FZD3: variants seen among roughly 807,000 people sequenced by gnomAD.
FZD3 encodes frizzled class receptor 3.
A neutral mutation model predicts 60.7 loss-of-function variants in FZD3; 30 were observed. The ratio of observed to expected loss-of-function variants is 0.49; its 90% CI spans 0.37 to 0.67. The LOEUF is 0.67. Ranked by LOEUF, FZD3 falls within the 30% of genes least tolerant of loss-of-function variation. The pLI is 0.00. For missense variants in FZD3, 605 were observed against 838.7 expected (o/e 0.72, Z 3.44); for synonymous variants, 246 against 275.2 (o/e 0.89, Z 1.05).
intron 7 of FZD3, among the ~76,000 whole-genome samples, chr8:28,562,248 G>GA (rs1805626056): frequency 6.6e-6 from 1 of 152,148 alleles, no homozygotes; most frequent in Non-Finnish European, 1.5e-5. Context: ...GTTGTTAACT[G>GA]GGCTATCTGG....
chr8:28,539,690 G>T (rs931262212), intron 5 of FZD3, among the ~76,000 whole-genome samples: 1 of 151,918 alleles, frequency 6.6e-6, no homozygotes, highest in Non-Finnish European at 1.5e-5. Context: ...TCAATATTTT[G>T]CAATGAATTT....
At chr8:28,529,439 ACTCTT>A (rs1392482358) in intron 5 of FZD3, among the ~76,000 whole-genome samples, 2 of 152,038 alleles carry the variant, frequency 1.3e-5, no homozygotes, top group Non-Finnish European at 2.9e-5. Flanking sequence ...TATACTCTGA[ACTCTT>A]CGCAAGAAGA....
chr8:28,521,134 G>GA (rs1208825041), intron 4 of FZD3, among the ~76,000 whole-genome samples: 1 of 152,036 alleles, frequency 6.6e-6, no homozygotes, highest in African/African-American at 2.4e-5. Context: ...TGCTATTTGT[G>GA]AAAAATTATA....
At chr8:28,502,319 TTTA>T (rs1449932443) in intron 2 of FZD3, among the ~76,000 whole-genome samples, 7 of 152,164 alleles carry the variant, frequency 4.6e-5, no homozygotes, top group Non-Finnish European at 8.8e-5. Context: ...AAGCGTAATA[TTTA>T]TTATTTAAAT....
intron 4 of FZD3, among the ~76,000 whole-genome samples, chr8:28,526,915 C>G (rs748390671): frequency 6.6e-6 from 1 of 152,084 alleles, no homozygotes; most frequent in Non-Finnish European, 1.5e-5. Flanking sequence ...TTCTTTGTCT[C>G]GAGGCTATCA....
intron 3 of FZD3, among the ~76,000 whole-genome samples, chr8:28,514,487 T>C (rs1384721007): frequency 6.6e-6 from 1 of 152,220 alleles, no homozygotes; most frequent in Non-Finnish European, 1.5e-5. Context: ...ACAGTCAAGA[T>C]ACAGAGCATT....
chr8:28,549,081 C>T (rs1364605812), intron 5 of FZD3, among the ~76,000 whole-genome samples: 1 of 152,190 alleles, frequency 6.6e-6, no homozygotes, highest in African/African-American at 2.4e-5. Context: ...GTTTGGTTTC[C>T]TCTCAAGTCT....
intron 3 of FZD3, among the ~76,000 whole-genome samples, chr8:28,519,984 C>T (rs977301899): frequency 2.6e-5 from 4 of 151,872 alleles, no homozygotes; most frequent in African/African-American, 4.8e-5. Flanking sequence ...CTGAGGCAGA[C>T]GGATCACTTG....
chr8:28,501,350 C>T (rs1380873712), intron 2 of FZD3, among the ~76,000 whole-genome samples: 1 of 152,168 alleles, frequency 6.6e-6, no homozygotes, highest in East Asian at 1.9e-4. Context: ...ACATGGAGTT[C>T]CCAGTCATTG....
At chr8:28,546,917 CCGAGATCGTGCCA>C (rs549342375) in intron 5 of FZD3, among the ~76,000 whole-genome samples, 3,418 of 151,958 alleles carry the variant, frequency 0.022, 59 homozygotes, top group Middle Eastern at 0.044. Context: ...TTGCAGTGAG[CCGAGATCGTGCCA>C]CTGCACTCCA....
intron 3 of FZD3, among the ~76,000 whole-genome samples, chr8:28,503,981 C>T (rs750833346): frequency 9.2e-5 from 14 of 152,098 alleles, no homozygotes; most frequent in East Asian, 7.7e-4. Flanking sequence ...TAGCTTTTAC[C>T]GTTAATTCAT....
chr8:28,516,535 G>T (rs980551049), intron 3 of FZD3, among the ~76,000 whole-genome samples: 1 of 151,954 alleles, frequency 6.6e-6, no homozygotes, highest in African/African-American at 2.4e-5. Flanking sequence ...ATGAACACAG[G>T]ATGTCTTTCT....
chr8:28,505,565 T>G (rs1804115949), intron 3 of FZD3, among the ~76,000 whole-genome samples: 1 of 152,134 alleles, frequency 6.6e-6, no homozygotes, highest in Admixed American at 6.5e-5. Context: ...TTGCCCAGGC[T>G]GATCTCGAAC....
At chr8:28,498,984 T>G (rs1349246111) in intron 1 of FZD3, among the ~76,000 whole-genome samples, 1 of 152,248 alleles carries the variant, frequency 6.6e-6, no homozygotes, top group African/African-American at 2.4e-5. Context: ...CATCACTGAT[T>G]TGCTTTTCTT....
chr8:28,515,179 T>C lies in FZD3; in HGVS notation c.190-5459T>C, dbSNP rs376905660. Among the ~76,000 whole-genome samples the C allele has an allele frequency of 1.4e-4, 22 of 152,336 alleles. 1 individual carries two copies. The highest frequency in any genetic ancestry group is 4.8e-4 in the African/African-American group (20 of 41,582). ...AATATGTGTAAGGCATTTTGAACAG[T>C]GCTTGTGTTAGCATTGGAATGTATC... is the stretch of plus-strand genomic sequence containing the variant. On this transcript the variant is annotated intron_variant, in intron 3 of 7. Coordinates refer to ENST00000240093, the MANE Select transcript of FZD3 (RefSeq NM_017412.4).
intron 2 of FZD3, among the ~76,000 whole-genome samples, chr8:28,502,044 C>T (rs1239004379): frequency 6.6e-6 from 1 of 152,102 alleles, no homozygotes; most frequent in Non-Finnish European, 1.5e-5. Flanking sequence ...TTATAAAGTA[C>T]TTTTGCATAC....
At position 28,563,140 on chromosome 8, in the gene FZD3, A is replaced by G; in HGVS notation, c.*129A>G. ...GTCAAGTACAGATTGTGTCCACTGGAAAGGTAAATGATTGCTTTTTTATAT... is the reference window on the plus strand; with the variant it reads ...GTCAAGTACAGATTGTGTCCACTGGGAAGGTAAATGATTGCTTTTTTATAT... On this transcript the variant is annotated 3_prime_UTR_variant, in exon 8 of 8. Transcript: ENST00000240093. The G allele has an allele frequency of 1.5e-6, 1 of 673,302 alleles. No individual in the cohort carries two copies. Among genetic ancestry groups the G allele is most frequent in the South Asian group, 1.8e-5 (1 of 56,450 alleles). 41.7% of individuals were successfully genotyped at this position (673,302 alleles called of 1,614,324 possible).
intron 7 of FZD3, among the ~76,000 whole-genome samples, chr8:28,559,745 G>A (rs1805581349): frequency 6.6e-6 from 1 of 152,170 alleles, no homozygotes; most frequent in South Asian, 2.1e-4. Flanking sequence ...GCCATCTCAT[G>A]GAGATTTCCT....
In FZD3 at chr8:28,565,976, C is replaced by CT. The variant is rs1554541374; in HGVS notation, c.*2972dup. ...TCAAAAAGTACTTTGATTTCAGCAACTTTTTTTATTCAATAACTAGACAAA... is the reference window on the plus strand; with the variant it reads ...TCAAAAAGTACTTTGATTTCAGCAACTTTTTTTTATTCAATAACTAGACAAA... On this transcript the variant is annotated 3_prime_UTR_variant, in exon 8 of 8. Transcript: ENST00000240093. 6.6e-6 allele frequency: 1 copy of CT among 151,816 alleles called. No individual in the cohort carries two copies. Among genetic ancestry groups the CT allele is most frequent in the Non-Finnish European group, 1.5e-5 (1 of 67,880 alleles). The allele number at this position is 151,816 out of a possible 1,614,324, so 9.4% of individuals were successfully genotyped here.
Sources: gnomAD v4.1 joint callset for allele counts (sites outside exome capture counted in the v4.1 genomes callset) on GRCh38, gnomAD v4.1.1 for gene constraint, MANE v1.5 for transcripts, NCBI Gene and HGNC (gene_info 2026-07-23, HGNC 2026-07-21) for gene names.